The following TRHDE variants were observed in gnomAD, a reference collection of about 807,000 sequenced individuals.
The protein encoded by TRHDE is thyrotropin-releasing hormone-degrading ectoenzyme.
TRHDE carries 72 observed loss-of-function variants against 125.7 expected under a neutral mutation model. The ratio of observed to expected loss-of-function variants is 0.57; its 90% CI spans 0.47 to 0.70. The LOEUF is 0.70. Ranked by LOEUF, TRHDE falls within the 30% of genes least tolerant of loss-of-function variation. The probability of loss-of-function intolerance (pLI) is 0.00; values close to 1 mark genes in which losing one functional copy is unlikely to be tolerated. For synonymous variants in TRHDE, 509 were observed against 509.1 expected, an observed-to-expected ratio of 1.00 and a Z score of 0.00; for missense variants, 1,110 against 1,327.1, an observed-to-expected ratio of 0.84 and a Z score of 2.54.
rs376104489 is a variant in TRHDE at position 72,333,291 on chromosome 12, A to G, written c.1189-44704A>G. On this transcript the variant is annotated intron_variant, in intron 2 of 18. Transcript: ENST00000261180. ...TTGTCTTGAACATTTACCAATATGT[A>G]TTGATGTCCTACTATAAGAGTCAAT... is the stretch of plus-strand genomic sequence containing the variant. Among the ~76,000 whole-genome samples, 29 of 152,368 alleles carry G rather than the reference A, an allele frequency of 1.9e-4. No homozygotes were observed. In the South Asian group the frequency reaches 6.0e-3, roughly 32 times the overall value.
intron 2 of TRHDE, among the ~76,000 whole-genome samples, chr12:72,355,310 T>C (rs1050301294): frequency 1.3e-5 from 2 of 151,526 alleles, no homozygotes; most frequent in Admixed American, 6.6e-5. Flanking sequence ...TTAGAGAAGG[T>C]GTTCAAGATT....
chr12:72,490,893 G>C (rs945574419), intron 5 of TRHDE, among the ~76,000 whole-genome samples: 1 of 150,468 alleles, frequency 6.6e-6, no homozygotes, highest in African/African-American at 2.4e-5. Flanking sequence ...AACAAGTCTA[G>C]AGGTCTAAGA....
intron 2 of TRHDE, among the ~76,000 whole-genome samples, chr12:72,130,585 A>G (rs1249372471): frequency 6.6e-6 from 1 of 152,204 alleles, no homozygotes; most frequent in Non-Finnish European, 1.5e-5. Context: ...GTCAAATGAA[A>G]CAAAAAAGCA....
intron 3 of TRHDE, among the ~76,000 whole-genome samples, chr12:72,390,987 G>C (rs919288660): frequency 2.0e-5 from 3 of 151,904 alleles, no homozygotes. Flanking sequence ...ATTCAACTTG[G>C]ATGATTATTG....
chr12:72,344,850 A>C (rs564979581), intron 2 of TRHDE, among the ~76,000 whole-genome samples: 2 of 152,148 alleles, frequency 1.3e-5, no homozygotes, highest in East Asian at 3.9e-4. Flanking sequence ...CCCTGGCTGC[A>C]CATCTGTCCC....
chr12:72,598,444 C>A (rs889649297), intron 12 of TRHDE, among the ~76,000 whole-genome samples: 2 of 152,100 alleles, frequency 1.3e-5, no homozygotes, highest in African/African-American at 4.8e-5. Context: ...CTGCAATTTT[C>A]TTTTTTGAAT....
chr12:72,109,943 A>G (rs566685482), intron 2 of TRHDE, among the ~76,000 whole-genome samples: 3 of 152,228 alleles, frequency 2.0e-5, no homozygotes, highest in African/African-American at 7.2e-5. Flanking sequence ...AAAAGTCTGT[A>G]GGTACTTTCC....
At chr12:72,127,302 G>A (rs567551763) in intron 2 of TRHDE, among the ~76,000 whole-genome samples, 1 of 152,084 alleles carries the variant, frequency 6.6e-6, no homozygotes, top group Non-Finnish European at 1.5e-5. Context: ...AAATAACTTA[G>A]AACAACCATT....
At chr12:72,126,821 AT>A (rs1219636222) in intron 2 of TRHDE, among the ~76,000 whole-genome samples, 1 of 152,208 alleles carries the variant, frequency 6.6e-6, no homozygotes, top group Admixed American at 6.5e-5. Context: ...CTGAAAAGCA[AT>A]TGTGACATAA....
chr12:72,144,380 T>C (rs1257628739), intron 2 of TRHDE, among the ~76,000 whole-genome samples: 1 of 152,252 alleles, frequency 6.6e-6, no homozygotes, highest in African/African-American at 2.4e-5. Context: ...CTGATTGTGC[T>C]ATTGTTTTTG....
At position 72,273,578 on chromosome 12, in the gene TRHDE, C is replaced by T; in HGVS notation, c.914+21C>T. 6.4e-7 allele frequency: 1 copy of T among 1,559,948 alleles called. No homozygotes were observed. Among genetic ancestry groups the T allele is most frequent in the Non-Finnish European group, 8.7e-7 (1 of 1,153,734 alleles). On this transcript the variant is annotated intron_variant, in intron 1 of 18. Transcript: ENST00000261180. The surrounding 1 kb of genome is among the most constrained non-coding windows in gnomAD (Gnocchi z 5.3). ...AGAAGGTATGGAGGGAGGCGGTGCC[C>T]CGCGCTGCCCCACCCCGGCGCGCGG... is the stretch of plus-strand genomic sequence containing the variant.
intron 2 of TRHDE, among the ~76,000 whole-genome samples, chr12:72,196,913 T>G (rs1032369623): frequency 3.9e-5 from 6 of 152,252 alleles, no homozygotes; most frequent in African/African-American, 1.4e-4. Context: ...CTCTAAATAG[T>G]AATTTATCCT....
Position 72,455,892 on chromosome 12 carries a change from G to T in TRHDE, c.1316-13866G>T, listed in dbSNP as rs529828474. ...GGAGTTATATAGGAGTAGATACAGAGGAGTCTACTTTCAGTATGAATTTAG... is the reference window on the plus strand; with the variant it reads ...GGAGTTATATAGGAGTAGATACAGATGAGTCTACTTTCAGTATGAATTTAG... On this transcript the variant is annotated intron_variant, in intron 3 of 18. Coordinates refer to ENST00000261180, the MANE Select transcript of TRHDE (RefSeq NM_013381.3). Among the ~76,000 whole-genome samples, 4 of 151,946 alleles carry T rather than the reference G, an allele frequency of 2.6e-5. No homozygotes were observed. In the South Asian group the frequency reaches 8.3e-4, roughly 32 times the overall value.
intron 2 of TRHDE, among the ~76,000 whole-genome samples, chr12:72,208,842 C>T (rs1442102924): frequency 2.6e-5 from 4 of 152,126 alleles, no homozygotes; most frequent in East Asian, 1.9e-4. Context: ...CTTGAAGCCA[C>T]GATCAACATT....
intron 3 of TRHDE, among the ~76,000 whole-genome samples, chr12:72,458,558 T>A (rs1411696195): frequency 2.6e-5 from 4 of 152,128 alleles, no homozygotes; most frequent in Non-Finnish European, 2.9e-5. Context: ...TCTTAAATCT[T>A]TTCCCCGACC....
At chr12:72,495,070 T>TG (rs1877852638) in intron 5 of TRHDE, among the ~76,000 whole-genome samples, 1 of 139,496 alleles carries the variant, frequency 7.2e-6, no homozygotes, top group Non-Finnish European at 1.5e-5. Context: ...GTTTTTTTTT[T>TG]TTTTTTTTTT....
At chr12:72,469,691 T>G (rs1352740193) in intron 3 of TRHDE, 67 bp from the exon 4 acceptor site, 8 of 1,530,116 alleles carry the variant, frequency 5.2e-6, no homozygotes, top group Non-Finnish European at 2.7e-6. Flanking sequence ...TGGACACTTT[T>G]TAGGATATAA....
chr12:72,590,915 G>A (rs1871644989), intron 12 of TRHDE, among the ~76,000 whole-genome samples: 1 of 151,958 alleles, frequency 6.6e-6, no homozygotes, highest in Admixed American at 6.6e-5. Context: ...GATAATTTCA[G>A]AATTACTTTT....
chr12:72,154,730 C>T (rs1422386708), intron 2 of TRHDE, among the ~76,000 whole-genome samples: 1 of 152,210 alleles, frequency 6.6e-6, no homozygotes, highest in East Asian at 1.9e-4. Context: ...CCCCCACTCT[C>T]TTCTGGCTTG....
Sources: gnomAD v4.1 joint callset for allele counts (sites outside exome capture counted in the v4.1 genomes callset) on GRCh38, gnomAD v4.1.1 for gene constraint, Gnocchi (gnomAD v3.1) non-coding constraint, MANE v1.5 for transcripts, NCBI Gene and HGNC (gene_info 2026-07-23, HGNC 2026-07-21) for gene names.